TAFA2: variants seen among roughly 807,000 people sequenced by gnomAD.
TAFA2 encodes the protein TAFA chemokine like family member 2.
In TAFA2, 7 loss-of-function variants were observed where a neutral mutation model predicts 18.8. That is an observed-to-expected ratio of 0.37 (90% confidence interval 0.21 to 0.70). TAFA2 has a LOEUF of 0.70. Ranked by LOEUF, TAFA2 falls within the 30% of genes least tolerant of loss-of-function variation. The probability of loss-of-function intolerance (pLI) is 0.53; values close to 1 mark genes in which losing one functional copy is unlikely to be tolerated. For synonymous variants in TAFA2, 60 were observed against 54.2 expected (o/e 1.11, Z -0.47); for missense variants, 122 against 158.1 (o/e 0.77, Z 1.23).
Position 62,010,874 on chromosome 12 carries a change from C to A in TAFA2, c.-1-143448G>T, listed in dbSNP as rs1422801682. ...GAGGTGGGGAGCGCCTCTGCCCGGCCGCCCTTCGTCTGGGAGGTGGGGAGC... is the reference window on the plus strand; with the variant it reads ...GAGGTGGGGAGCGCCTCTGCCCGGCAGCCCTTCGTCTGGGAGGTGGGGAGC... On this transcript the variant is annotated intron_variant, in intron 1 of 4. Coordinates refer to ENST00000416284, the MANE Select transcript of TAFA2 (RefSeq NM_178539.5). Among the ~76,000 whole-genome samples, 10 of 117,342 alleles carry A rather than the reference C, an allele frequency of 8.5e-5. No homozygotes were observed. In the East Asian group the frequency reaches 1.5e-3, roughly 18 times the overall value. The allele number at this position is 117,342 out of a possible 152,430, so 77.0% of individuals were successfully genotyped here.
chr12:61,877,617 G>A (rs1415912211), intron 1 of TAFA2, among the ~76,000 whole-genome samples: 1 of 152,046 alleles, frequency 6.6e-6, no homozygotes, highest in Non-Finnish European at 1.5e-5. Context: ...TTTCATATTG[G>A]CTTAAAACCT....
intron 2 of TAFA2, among the ~76,000 whole-genome samples, chr12:61,769,722 G>C: frequency 6.6e-6 from 1 of 151,984 alleles, no homozygotes; most frequent in Non-Finnish European, 1.5e-5. Flanking sequence ...CACCACATGG[G>C]AACAAAAAAT....
chr12:62,153,866 T>C (rs2062347685), intron 1 of TAFA2, among the ~76,000 whole-genome samples: 2 of 152,116 alleles, frequency 1.3e-5, no homozygotes, highest in Admixed American at 1.3e-4. Flanking sequence ...AGTCTCATTA[T>C]ATTGCCCAAG....
Position 62,074,136 on chromosome 12 carries a change from C to T in TAFA2, c.-2+117123G>A, listed in dbSNP as rs374100429. Among the ~76,000 whole-genome samples, 6 of 152,274 alleles carry T rather than the reference C, an allele frequency of 3.9e-5. No individual in the cohort carries two copies. The South Asian group carries it at 6.2e-4, about 16-fold the overall frequency. ...TCATTTAAGTTTAAAGTGTTTTACC[C>T]TTCCCCTTCCCAAAGTTAGAACACA... On this transcript the variant is annotated intron_variant, in intron 1 of 4. Coordinates refer to ENST00000416284, the MANE Select transcript of TAFA2 (RefSeq NM_178539.5).
chr12:61,863,897 C>T (rs1454037304), intron 2 of TAFA2, among the ~76,000 whole-genome samples: 2 of 152,142 alleles, frequency 1.3e-5, no homozygotes, highest in Non-Finnish European at 2.9e-5. Flanking sequence ...GTAGACGAGG[C>T]CATCTATCTT....
intron 2 of TAFA2, among the ~76,000 whole-genome samples, chr12:61,787,127 C>T (rs2120912459): frequency 6.6e-6 from 1 of 151,354 alleles, no homozygotes; most frequent in African/African-American, 2.4e-5. Context: ...AACTATAAAC[C>T]TTGCAGGTCA....
At chr12:62,163,987 T>C (rs115131199) in intron 1 of TAFA2, among the ~76,000 whole-genome samples, 2,934 of 152,234 alleles carry the variant, frequency 0.019, 92 homozygotes, top group African/African-American at 0.066. Flanking sequence ...CAACAGATAC[T>C]TCTATAATCA....
chr12:61,859,562 G>T (rs1218514243), intron 2 of TAFA2, among the ~76,000 whole-genome samples: 1 of 152,204 alleles, frequency 6.6e-6, no homozygotes, highest in Non-Finnish European at 1.5e-5. Flanking sequence ...TTCTGCCTCA[G>T]CCTCCCGAGT....
At chr12:61,966,679 A>G (rs1311164205) in intron 1 of TAFA2, among the ~76,000 whole-genome samples, 1 of 151,904 alleles carries the variant, frequency 6.6e-6, no homozygotes, top group East Asian at 1.9e-4. Flanking sequence ...ATACTTATGC[A>G]ATTAAATTGA....
chr12:62,093,746 G>A (rs1481769603), intron 1 of TAFA2, among the ~76,000 whole-genome samples: 1 of 151,940 alleles, frequency 6.6e-6, no homozygotes, highest in African/African-American at 2.4e-5. Flanking sequence ...CCCTCAGAGG[G>A]CCATGTGTTC....
intron 1 of TAFA2, among the ~76,000 whole-genome samples, chr12:62,103,347 T>A (rs1869292480): frequency 1.3e-5 from 2 of 152,168 alleles, no homozygotes. Flanking sequence ...ATCACACACT[T>A]ACCCCATCAG....
intron 1 of TAFA2, among the ~76,000 whole-genome samples, chr12:62,094,351 G>A (rs371972517): frequency 5.9e-4 from 89 of 151,982 alleles, no homozygotes; most frequent in African/African-American, 2.0e-3. Context: ...GGGAAGAGGC[G>A]GTGAAGGACA....
intron 1 of TAFA2, among the ~76,000 whole-genome samples, chr12:62,119,475 T>C (rs1322670527): frequency 2.6e-5 from 4 of 152,146 alleles, no homozygotes; most frequent in Non-Finnish European, 5.9e-5. Flanking sequence ...TATATACACA[T>C]ACACCATACA....
In TAFA2 at chr12:61,775,028, C is replaced by T. The variant is rs116126271; in HGVS notation, c.107-20004G>A. Among the ~76,000 whole-genome samples the T allele has an allele frequency of 8.3e-3, 1,265 of 151,742 alleles. 20 individuals carry two copies. Among genetic ancestry groups the T allele is most frequent in the African/African-American group, 0.029 (1,189 of 41,468 alleles). On this transcript the variant is annotated intron_variant, in intron 2 of 4. Transcript: ENST00000416284. ...GCCAAACCATTTAGCAAACACATCA[C>T]GAGAAAATATATGTAGGTGGCAAAT...
At chr12:62,044,913 T>C (rs1411735910) in intron 1 of TAFA2, among the ~76,000 whole-genome samples, 2 of 152,170 alleles carry the variant, frequency 1.3e-5, no homozygotes, top group Admixed American at 6.5e-5. Flanking sequence ...CTGCTTCCCC[T>C]AAAATTTGGC....
chr12:61,835,653 C>T (rs543612962), intron 2 of TAFA2, among the ~76,000 whole-genome samples: 1 of 151,868 alleles, frequency 6.6e-6, no homozygotes, highest in Non-Finnish European at 1.5e-5. Context: ...CTTCAATGAA[C>T]AATCATATTG....
chr12:61,969,651 T>C (rs930766428), intron 1 of TAFA2, among the ~76,000 whole-genome samples: 1 of 151,592 alleles, frequency 6.6e-6, no homozygotes, highest in African/African-American at 2.4e-5. Flanking sequence ...CATAGTCTAA[T>C]AGAGAAAACA....
chr12:61,997,195 A>G (rs35284265), intron 1 of TAFA2, among the ~76,000 whole-genome samples: 57,724 of 134,670 alleles, frequency 0.43, 12,724 homozygotes, highest in Non-Finnish European at 0.52. Context: ...GTGTGTGTAT[A>G]TATATATATA....
Position 61,874,990 on chromosome 12 carries a change from T to A in TAFA2, c.-1-7564A>T, listed in dbSNP as rs1053030663. Among the ~76,000 whole-genome samples the A allele has an allele frequency of 5.3e-5, 8 of 152,202 alleles. No homozygotes were observed. In the East Asian group the frequency reaches 1.5e-3, roughly 29 times the overall value. On this transcript the variant is annotated intron_variant, in intron 1 of 4. Coordinates refer to ENST00000416284, the MANE Select transcript of TAFA2 (RefSeq NM_178539.5). Reference sequence around the variant, plus strand: ...ATGTGAAAAATCAGAGGTGTTACTGTTTCTTCAAAGGTCCTTCTCTCAGAG... The same window carrying A: ...ATGTGAAAAATCAGAGGTGTTACTGATTCTTCAAAGGTCCTTCTCTCAGAG...
Sources: gnomAD v4.1 joint callset for allele counts (sites outside exome capture counted in the v4.1 genomes callset) on GRCh38, gnomAD v4.1.1 for gene constraint, MANE v1.5 for transcripts, NCBI Gene and HGNC (gene_info 2026-07-23, HGNC 2026-07-21) for gene names.